The following CLASP2 variants were observed in gnomAD, a reference collection of about 807,000 sequenced individuals.
The protein encoded by CLASP2 is cytoplasmic linker associated protein 2.
A neutral mutation model predicts 194.4 loss-of-function variants in CLASP2; 47 were observed. The observed-to-expected ratio is 0.24, with a 90% CI of 0.19 to 0.31. The LOEUF is 0.31. Among genes scored for constraint, CLASP2 ranks in the 10% least tolerant of loss-of-function variants. The pLI is 1.00. For missense variants in CLASP2, 1,445 were observed against 1,823.6 expected (o/e 0.79, Z 3.78); for synonymous variants, 619 against 633.5 (o/e 0.98, Z 0.34).
intron 37 of CLASP2, among the ~76,000 whole-genome samples, chr3:33,507,453 T>A (rs2048583082): frequency 6.6e-6 from 1 of 152,192 alleles, no homozygotes. Flanking sequence ...GGATTAGATT[T>A]AGGTTCAATT....
At chr3:33,585,376 TAG>T (rs2154217682) in intron 21 of CLASP2, among the ~76,000 whole-genome samples, 1 of 152,302 alleles carries the variant, frequency 6.6e-6, no homozygotes, top group East Asian at 1.9e-4. Context: ...GTGAACATCA[TAG>T]AGTGTACTTA....
chr3:33,599,854 T>C (rs1413297087), intron 18 of CLASP2, among the ~76,000 whole-genome samples: 1 of 152,122 alleles, frequency 6.6e-6, no homozygotes, highest in African/African-American at 2.4e-5. Flanking sequence ...GGTAGCTGAT[T>C]GTCCCTGAGT....
intron 6 of CLASP2, among the ~76,000 whole-genome samples, chr3:33,670,330 G>A (rs2086923471): frequency 6.6e-6 from 1 of 152,146 alleles, no homozygotes. Context: ...CTTCATCTGT[G>A]TGGTGGATAC....
At chr3:33,608,185 T>G in intron 14 of CLASP2, among the ~76,000 whole-genome samples, 1 of 152,168 alleles carries the variant, frequency 6.6e-6, no homozygotes, top group East Asian at 1.9e-4. Flanking sequence ...CCAACAAATA[T>G]CTCTTCTTAA....
chr3:33,531,065 C>T (rs1203526188), intron 34 of CLASP2, among the ~76,000 whole-genome samples: 1 of 152,090 alleles, frequency 6.6e-6, no homozygotes, highest in Non-Finnish European at 1.5e-5. Flanking sequence ...CATACTTCTC[C>T]CTGATTTCAA....
chr3:33,717,672 G>A (rs1259155054), intron 1 of CLASP2, 136 bp downstream of exon 1: 41 of 923,436 alleles, frequency 4.4e-5, no homozygotes, highest in Non-Finnish European at 6.3e-5. Context: ...TGATCCGCCC[G>A]CCTGTGCTTC....
chr3:33,546,432 T>C lies in CLASP2; in HGVS notation c.3154-1591A>G, dbSNP rs559235766. 5.9e-5 allele frequency among the ~76,000 whole-genome samples: 9 copies of C among 152,328 alleles called. No individual in the cohort carries two copies. The South Asian group carries it at 1.9e-3, about 32-fold the overall frequency. On this transcript the variant is annotated intron_variant, in intron 30 of 38. Transcript: ENST00000682230. ...TTTCTTGCGGTTTTAAATTTCCTAA[T>C]GTCATATTTGTTTTACTAGATTTCA... is the stretch of plus-strand genomic sequence containing the variant.
chr3:33,606,621 C>T lies in CLASP2; in HGVS notation c.1664G>A (p.Arg555Lys). Residue 555 changes from arginine (R) to lysine (K), a missense_variant, in exon 16 of 39, where the codon AGG (arginine) becomes AAG (lysine). Coordinates refer to ENST00000682230, the MANE Select transcript of CLASP2 (RefSeq NM_001365631.1). The part of the protein sequence containing the change: ...GSVASLPQSD[R>K]SSSSSQESLN... ...ACTTTCCTGTGAGCTGGATGAGGAC[C>T]TGTCTGATTGTGGAAGAGATGCTAC... 6.2e-7 allele frequency: 1 copy of T among 1,613,594 alleles called. No homozygotes were observed. The highest frequency in any genetic ancestry group is 1.1e-5 in the South Asian group (1 of 91,046).
intron 1 of CLASP2, among the ~76,000 whole-genome samples, chr3:33,703,779 C>A (rs946574025): frequency 1.3e-5 from 2 of 152,220 alleles, no homozygotes; most frequent in African/African-American, 4.8e-5. Flanking sequence ...CACCACCATG[C>A]CCAGCCCACA....
At chr3:33,547,254 A>G (rs1183576359) in intron 30 of CLASP2, among the ~76,000 whole-genome samples, 2 of 152,162 alleles carry the variant, frequency 1.3e-5, no homozygotes, top group African/African-American at 4.8e-5. Flanking sequence ...GTGGTAGTGA[A>G]TAAGTCTCAT....
chr3:33,653,395 C>G (rs764231957), intron 7 of CLASP2, among the ~76,000 whole-genome samples: 6 of 151,886 alleles, frequency 4.0e-5, no homozygotes, highest in Non-Finnish European at 4.4e-5. Context: ...GAATATTTAA[C>G]AGATGTTTTT....
intron 7 of CLASP2, chr3:33,645,224 A>G (rs1255328396): frequency 2.6e-6 from 2 of 764,556 alleles, no homozygotes; most frequent in African/African-American, 3.4e-5. Context: ...AGCTCCTCCC[A>G]TAGTGTATCT....
chr3:33,639,546 G>A (rs1195745077), intron 8 of CLASP2, among the ~76,000 whole-genome samples: 1 of 151,978 alleles, frequency 6.6e-6, no homozygotes, highest in Non-Finnish European at 1.5e-5. Context: ...TTTAATTTTT[G>A]CACAGGAAGT....
At chr3:33,690,155 G>T (rs1442502785) in intron 2 of CLASP2, among the ~76,000 whole-genome samples, 1 of 152,100 alleles carries the variant, frequency 6.6e-6, no homozygotes, top group Non-Finnish European at 1.5e-5. Context: ...TAAAAAAACA[G>T]CAAAACTAAA....
intron 6 of CLASP2, among the ~76,000 whole-genome samples, chr3:33,684,107 T>C (rs554907761): frequency 3.3e-5 from 5 of 151,554 alleles, no homozygotes; most frequent in Non-Finnish European, 7.4e-5. Flanking sequence ...TAGCTGGGCA[T>C]GGTGGCAAGC....
chr3:33,554,783 G>C (rs1042785102), intron 29 of CLASP2: 1 of 153,168 alleles, frequency 6.5e-6, no homozygotes, highest in African/African-American at 2.4e-5. Flanking sequence ...GAAGGCACAT[G>C]AAGATTTCTA....
chr3:33,566,761 A>G, intron 26 of CLASP2, 27 bp from the exon 27 acceptor site: 1 of 440,910 alleles, frequency 2.3e-6, no homozygotes, highest in Non-Finnish European at 4.5e-6. Context: ...CACAGGGGAC[A>G]GCATGCAAAA....
intron 8 of CLASP2, among the ~76,000 whole-genome samples, chr3:33,638,859 T>C (rs1176250759): frequency 6.6e-6 from 1 of 152,200 alleles, no homozygotes; most frequent in Non-Finnish European, 1.5e-5. Context: ...ATAATAACAT[T>C]TCACTCTTTT....
chr3:33,513,830 T>TG (rs1384600930), intron 36 of CLASP2, among the ~76,000 whole-genome samples: 2 of 152,182 alleles, frequency 1.3e-5, no homozygotes, highest in African/African-American at 4.8e-5. Context: ...TTTAAAAAAC[T>TG]GGGCCATCTT....
Sources: allele counts gnomAD v4.1 joint callset (sites outside exome capture counted in the v4.1 genomes callset), GRCh38; gene constraint gnomAD v4.1.1; transcripts MANE v1.5; gene names NCBI Gene and HGNC (gene_info 2026-07-23, HGNC 2026-07-21).